The following ACMSD variants were observed in gnomAD, a reference collection of about 807,000 sequenced individuals.
ACMSD encodes the protein 2-amino-3-carboxymuconate-6-semialdehyde decarboxylase.
In ACMSD, 37 loss-of-function variants were observed where a neutral mutation model predicts 45.9. The observed-to-expected ratio is 0.81, with a 90% confidence interval of 0.62 to 1.06. ACMSD has a LOEUF of 1.06. Among genes scored for constraint, ACMSD ranks in the 50% least tolerant of loss-of-function variants. The pLI is 0.00. For synonymous variants in ACMSD, 138 were observed against 148.8 expected (o/e 0.93, Z 0.53); for missense variants, 434 against 420.9 (o/e 1.03, Z -0.27).
chr2:134,864,537 T>C (rs762296769), intron 5 of ACMSD, among the ~76,000 whole-genome samples: 4 of 152,172 alleles, frequency 2.6e-5, no homozygotes, highest in Non-Finnish European at 4.4e-5. Flanking sequence ...AAGTGAAAAT[T>C]CTTTTAATGC....
At chr2:134,859,608 G>T in intron 3 of ACMSD, 1 of 332,120 alleles carries the variant, frequency 3.0e-6, no homozygotes, top group Admixed American at 4.6e-5. Context: ...GATAAAAATG[G>T]CATTTTATTA....
intron 5 of ACMSD, among the ~76,000 whole-genome samples, chr2:134,866,747 T>C (rs888220559): frequency 2.0e-5 from 3 of 152,250 alleles, no homozygotes; most frequent in African/African-American, 2.4e-5. Context: ...CGAGCACTAA[T>C]ATTCAATGCC....
intron 2 of ACMSD, among the ~76,000 whole-genome samples, chr2:134,846,810 T>C (rs531861291): frequency 8.7e-4 from 132 of 152,318 alleles, no homozygotes; most frequent in Non-Finnish European, 1.5e-3. Flanking sequence ...ACATAGTCCC[T>C]GCTCTGATAG....
intron 2 of ACMSD, among the ~76,000 whole-genome samples, chr2:134,846,643 G>A (rs1173313528): frequency 1.3e-5 from 2 of 152,124 alleles, no homozygotes; most frequent in Admixed American, 6.5e-5. Flanking sequence ...CTGGCCTCAA[G>A]TGGTCCTCCC....
At chr2:134,845,729 G>A (rs1429984969) in intron 2 of ACMSD, among the ~76,000 whole-genome samples, 3 of 152,134 alleles carry the variant, frequency 2.0e-5, no homozygotes, top group Admixed American at 6.6e-5. Context: ...GGAGAAGACA[G>A]TGTTATTAAG....
chr2:134,873,360 G>A (rs1029776124), intron 8 of ACMSD: 1 of 152,244 alleles, frequency 6.6e-6, no homozygotes, highest in Non-Finnish European at 1.5e-5. Context: ...AACTCAGCAA[G>A]TTCAAGAATT....
chr2:134,888,238 A>G (rs1016375235), intron 8 of ACMSD, among the ~76,000 whole-genome samples: 18 of 152,210 alleles, frequency 1.2e-4, no homozygotes, highest in African/African-American at 4.1e-4. Context: ...CCCAAAAAGA[A>G]GGTAACAATT....
chr2:134,896,782 C>CA (rs1690176555), intron 8 of ACMSD, among the ~76,000 whole-genome samples: 1 of 152,154 alleles, frequency 6.6e-6, no homozygotes, highest in South Asian at 2.1e-4. Flanking sequence ...CCAGCACTTC[C>CA]ACTCTTAGGT....
intron 1 of ACMSD, among the ~76,000 whole-genome samples, chr2:134,840,963 C>T (rs1686780897): frequency 6.6e-6 from 1 of 152,112 alleles, no homozygotes; most frequent in Admixed American, 6.6e-5. Context: ...ATTCTTATGC[C>T]TTTGCATCCT....
chr2:134,860,368 A>G (rs143990071), intron 3 of ACMSD, among the ~76,000 whole-genome samples: 162 of 152,334 alleles, frequency 1.1e-3, no homozygotes, highest in African/African-American at 3.7e-3. Context: ...TGAGGAGAAC[A>G]TGCTCCAAGA....
At chr2:134,873,901 G>C (rs1436126898) in intron 8 of ACMSD, among the ~76,000 whole-genome samples, 2 of 152,124 alleles carry the variant, frequency 1.3e-5, no homozygotes, top group African/African-American at 4.8e-5. Flanking sequence ...GAGCAATGGA[G>C]GAAAGGAAGA....
At chr2:134,869,776 G>T (rs1421158248) in intron 6 of ACMSD, among the ~76,000 whole-genome samples, 1 of 151,968 alleles carries the variant, frequency 6.6e-6, no homozygotes, top group African/African-American at 2.4e-5. Context: ...TGCAAAGGTG[G>T]TCATTAGTGG....
At chr2:134,864,037 G>A (rs902849271) in intron 5 of ACMSD, among the ~76,000 whole-genome samples, 6 of 152,132 alleles carry the variant, frequency 3.9e-5, no homozygotes, top group African/African-American at 1.4e-4. Flanking sequence ...GGGAGGCCCA[G>A]GTGGGCGGAT....
chr2:134,854,709 AC>A (rs1189424093), intron 2 of ACMSD, among the ~76,000 whole-genome samples: 1 of 152,240 alleles, frequency 6.6e-6, no homozygotes, highest in African/African-American at 2.4e-5. Flanking sequence ...TTTGGATTCT[AC>A]CTCAAGAAAG....
intron 2 of ACMSD, among the ~76,000 whole-genome samples, chr2:134,847,662 A>C (rs1011669098): frequency 6.6e-6 from 1 of 151,914 alleles, no homozygotes; most frequent in South Asian, 2.1e-4. Context: ...CCCTGTGTCC[A>C]TGTGTTCTCA....
intron 8 of ACMSD, among the ~76,000 whole-genome samples, chr2:134,887,684 G>A (rs1041427163): frequency 9.2e-5 from 14 of 152,156 alleles, no homozygotes; most frequent in Non-Finnish European, 1.3e-4. Flanking sequence ...GATTAGTCAT[G>A]AGCTGCCGTG....
At chr2:134,870,848 G>T (rs1688397854) in intron 6 of ACMSD, 117 bp from the exon 7 acceptor site, 1 of 784,442 alleles carries the variant, frequency 1.3e-6, no homozygotes, top group Admixed American at 2.5e-5. Context: ...GCCAAACTAT[G>T]CCAGGGTACA....
intron 4 of ACMSD, 128 bp from the exon 5 acceptor site, chr2:134,863,267 T>C (rs764695864): frequency 2.3e-5 from 24 of 1,039,368 alleles, no homozygotes; most frequent in Non-Finnish European, 3.4e-5. Flanking sequence ...TCTGTGCCTC[T>C]GTTTTCTGAT....
chr2:134,841,307 A>C (rs564026910), intron 1 of ACMSD, among the ~76,000 whole-genome samples: 56 of 152,184 alleles, frequency 3.7e-4, no homozygotes, highest in Middle Eastern at 3.4e-3. Flanking sequence ...CCCCACCACC[A>C]CACCCATCTT....
Sources: gnomAD v4.1 joint callset for allele counts (sites outside exome capture counted in the v4.1 genomes callset) on GRCh38, gnomAD v4.1.1 for gene constraint, MANE v1.5 for transcripts, NCBI Gene and HGNC (gene_info 2026-07-23, HGNC 2026-07-21) for gene names.